The following MAP2 variants were observed in gnomAD, a reference collection of about 807,000 sequenced individuals.
MAP2 encodes microtubule-associated protein 2.
A neutral mutation model predicts 137.6 loss-of-function variants in MAP2; 14 were observed. That is an observed-to-expected ratio of 0.10 (90% CI 0.07 to 0.16). MAP2 has a LOEUF of 0.16. Among genes scored for constraint, MAP2 ranks in the 10% least tolerant of loss-of-function variants. The pLI, the probability that MAP2 is intolerant of heterozygous loss-of-function variation, is 1.00. For missense variants in MAP2, 2,088 were observed against 2,191.5 expected, an observed-to-expected ratio of 0.95 and a Z score of 0.94; for synonymous variants, 786 against 782.3, an observed-to-expected ratio of 1.00 and a Z score of -0.08.
At chr2:209,599,167 G>T in intron 3 of MAP2, among the ~76,000 whole-genome samples, 1 of 151,592 alleles carries the variant, frequency 6.6e-6, no homozygotes. Flanking sequence ...ATATCTCATT[G>T]TGGTTTTGAT....
chr2:209,612,354 G>T (rs755006326), intron 3 of MAP2, among the ~76,000 whole-genome samples: 1 of 152,168 alleles, frequency 6.6e-6, no homozygotes, highest in African/African-American at 2.4e-5. Flanking sequence ...GAAGTCAGGG[G>T]TTAAAAACAT....
intron 2 of MAP2, among the ~76,000 whole-genome samples, chr2:209,565,307 T>A (rs1342788428): frequency 6.6e-6 from 1 of 152,140 alleles, no homozygotes; most frequent in Non-Finnish European, 1.5e-5. Context: ...AGCCTCAACC[T>A]TTTGGGTTTA....
chr2:209,653,817 A>G (rs997123227), intron 5 of MAP2, among the ~76,000 whole-genome samples: 3 of 152,210 alleles, frequency 2.0e-5, no homozygotes, highest in African/African-American at 7.2e-5. Context: ...TAGAGCAGAA[A>G]AAAGCAAAAT....
chr2:209,594,390 A>C (rs1460158444), intron 3 of MAP2, among the ~76,000 whole-genome samples: 1 of 152,098 alleles, frequency 6.6e-6, no homozygotes, highest in Non-Finnish European at 1.5e-5. Flanking sequence ...GTTCTGAATA[A>C]GTTTCTTAAT....
At chr2:209,545,247 T>C (rs576830310) in intron 2 of MAP2, among the ~76,000 whole-genome samples, 103 of 152,348 alleles carry the variant, frequency 6.8e-4, no homozygotes, top group African/African-American at 1.8e-3. Flanking sequence ...ACCATCTGTC[T>C]GTGCTTAAGA....
At chr2:209,529,878 T>C (rs1400980820) in intron 2 of MAP2, among the ~76,000 whole-genome samples, 1 of 151,952 alleles carries the variant, frequency 6.6e-6, no homozygotes, top group Non-Finnish European at 1.5e-5. Flanking sequence ...TTGTTCTTTC[T>C]TTTCTTTCTT....
chr2:209,483,641 A>T (rs2058001481), intron 1 of MAP2, among the ~76,000 whole-genome samples: 1 of 152,324 alleles, frequency 6.6e-6, no homozygotes, highest in Non-Finnish European at 1.5e-5. Flanking sequence ...TTGTCGATAT[A>T]GTCTACCTAT....
At chr2:209,717,028 A>G (rs961578114) in intron 13 of MAP2, among the ~76,000 whole-genome samples, 18 of 152,152 alleles carry the variant, frequency 1.2e-4, no homozygotes, top group African/African-American at 2.9e-4. Flanking sequence ...GAGAGGGAGG[A>G]AGAAGGGAAT....
At chr2:209,542,233 T>C (rs1370469733) in intron 2 of MAP2, among the ~76,000 whole-genome samples, 1 of 152,208 alleles carries the variant, frequency 6.6e-6, no homozygotes, top group Non-Finnish European at 1.5e-5. Flanking sequence ...AAGAAATCTT[T>C]TTTTCTGAGC....
intron 3 of MAP2, among the ~76,000 whole-genome samples, chr2:209,612,568 G>A (rs992852613): frequency 8.5e-5 from 13 of 152,180 alleles, no homozygotes; most frequent in African/African-American, 3.1e-4. Context: ...GAGTTTGTCA[G>A]CTGCCATATA....
At chr2:209,583,151 A>ATCTATCTATCTG (rs1231412022) in intron 3 of MAP2, among the ~76,000 whole-genome samples, 1 of 128,526 alleles carries the variant, frequency 7.8e-6, no homozygotes, top group African/African-American at 4.0e-5. Flanking sequence ...CTGTCTGTCT[A>ATCTATCTATCTG]TCTATCTATC....
chr2:209,471,780 T>C (rs563611528), intron 1 of MAP2, among the ~76,000 whole-genome samples: 1 of 152,186 alleles, frequency 6.6e-6, no homozygotes, highest in Non-Finnish European at 1.5e-5. Context: ...TTAAATTAGG[T>C]TTTAAAATGC....
rs1559702248 is a variant in MAP2, at chr2:209,734,077, T to A, written c.*3680T>A. The A allele has an allele frequency of 6.6e-6, 1 of 152,594 alleles. No individual in the cohort carries two copies. The highest frequency in any genetic ancestry group is 2.4e-5 in the African/African-American group (1 of 41,432). 9.5% of individuals were successfully genotyped at this position (152,594 alleles called of 1,614,324 possible). ...TGCAAATGTATTTGTTGCTGTATAGTGATTGTTTTGCAAAATAAAATTGCT... is the reference window on the plus strand; with the variant it reads ...TGCAAATGTATTTGTTGCTGTATAGAGATTGTTTTGCAAAATAAAATTGCT... On this transcript the variant is annotated 3_prime_UTR_variant, in exon 16 of 16. Transcript: ENST00000682079.
chr2:209,622,501 A>T (rs2091439085), intron 3 of MAP2, among the ~76,000 whole-genome samples: 1 of 152,212 alleles, frequency 6.6e-6, no homozygotes, highest in Non-Finnish European at 1.5e-5. Context: ...TGAGGAATAA[A>T]TTACTTAATA....
chr2:209,425,010 C>G, intron 1 of MAP2, among the ~76,000 whole-genome samples: 1 of 151,920 alleles, frequency 6.6e-6, no homozygotes, highest in East Asian at 1.9e-4. Context: ...GTGCTGGCTG[C>G]CTGCCTTCCC....
At chr2:209,464,373 T>A (rs1295405157) in intron 1 of MAP2, among the ~76,000 whole-genome samples, 2 of 152,142 alleles carry the variant, frequency 1.3e-5, no homozygotes, top group East Asian at 3.8e-4. Context: ...TCTCTACATG[T>A]GATTATTTAA....
At chr2:209,559,896 G>T (rs2071606756) in intron 2 of MAP2, among the ~76,000 whole-genome samples, 1 of 152,030 alleles carries the variant, frequency 6.6e-6, no homozygotes, top group South Asian at 2.1e-4. Flanking sequence ...GGGTGTCATT[G>T]CTTCTAGGAC....
chr2:209,572,148 A>C (rs1578639455), intron 2 of MAP2, among the ~76,000 whole-genome samples: 1 of 152,046 alleles, frequency 6.6e-6, no homozygotes, highest in African/African-American at 2.4e-5. Context: ...AACTCTGTTC[A>C]TCATAACTCA....
At chr2:209,599,595 A>G (rs2082379662) in intron 3 of MAP2, among the ~76,000 whole-genome samples, 2 of 152,170 alleles carry the variant, frequency 1.3e-5, no homozygotes, top group African/African-American at 4.8e-5. Flanking sequence ...GTGTTTTAGA[A>G]AAGTTTTATT....
Sources: allele counts gnomAD v4.1 joint callset (sites outside exome capture counted in the v4.1 genomes callset), GRCh38; gene constraint gnomAD v4.1.1; transcripts MANE v1.5; gene names NCBI Gene and HGNC (gene_info 2026-07-23, HGNC 2026-07-21).